Variants in KIAA1328 observed in about 807,000 individuals in gnomAD.
The protein encoded by KIAA1328 is KIAA1328.
KIAA1328 carries 52 observed loss-of-function variants against 68.1 expected under a neutral mutation model. That is an observed-to-expected ratio of 0.76 (90% CI 0.61 to 0.96). KIAA1328 has a LOEUF of 0.96. Among genes scored for constraint, KIAA1328 ranks in the 40% least tolerant of loss-of-function variants. The pLI is 0.00. For missense variants in KIAA1328, 641 were observed against 677.6 expected, an observed-to-expected ratio of 0.95 and a Z score of 0.60; for synonymous variants, 232 against 239.4, an observed-to-expected ratio of 0.97 and a Z score of 0.28.
chr18:37,216,899 C>CTTTTTTTTTTTT (rs762745405), intron 9 of KIAA1328, among the ~76,000 whole-genome samples: 56 of 90,302 alleles, frequency 6.2e-4, no homozygotes, highest in Non-Finnish European at 8.6e-4. Flanking sequence ...TTCTTTGTCT[C>CTTTTTTTTTTTT]TTTTTTTTTT....
chr18:36,881,362 C>T (rs899470615), intron 4 of KIAA1328, among the ~76,000 whole-genome samples: 4 of 151,654 alleles, frequency 2.6e-5, no homozygotes, highest in African/African-American at 9.7e-5. Flanking sequence ...TCGAATCTAC[C>T]CTATTCATTG....
chr18:36,990,721 C>T (rs2053142966), intron 6 of KIAA1328, among the ~76,000 whole-genome samples: 1 of 151,790 alleles, frequency 6.6e-6, no homozygotes, highest in East Asian at 1.9e-4. Context: ...TCTTCTATTA[C>T]AGAGAATACA....
At chr18:36,877,163 G>T (rs1420781928) in intron 4 of KIAA1328, among the ~76,000 whole-genome samples, 3 of 152,146 alleles carry the variant, frequency 2.0e-5, no homozygotes, top group Non-Finnish European at 4.4e-5. Flanking sequence ...TTGATTTGGG[G>T]TGGAGAGTTC....
At chr18:37,136,633 G>C in intron 7 of KIAA1328, among the ~76,000 whole-genome samples, 1 of 152,176 alleles carries the variant, frequency 6.6e-6, no homozygotes, top group East Asian at 1.9e-4. Context: ...CATTGCCAGG[G>C]ATTCAGAGTA....
At chr18:37,028,325 G>T (rs1464525534) in intron 6 of KIAA1328, among the ~76,000 whole-genome samples, 2 of 151,890 alleles carry the variant, frequency 1.3e-5, no homozygotes, top group African/African-American at 4.8e-5. Flanking sequence ...TCTTGATTTG[G>T]CCCTCAGCTT....
At position 37,160,211 on chromosome 18, in the gene KIAA1328, CA is replaced by C. The variant is rs2059248127; in HGVS notation, c.1247del (p.Asn416ThrfsTer38). On this transcript the variant is annotated frameshift_variant, in exon 8 of 10. Coordinates refer to ENST00000280020, the MANE Select transcript of KIAA1328 (RefSeq NM_020776.3). LOFTEE classifies it high-confidence loss of function. ...CGTTGTTCTTTCAGTTTATTGAAGT[CA>C]AACTGTGATGGCTGGCTGCTTGGAA... ...SRLDYNCLLKSNCDGWLLGTS... is the reference protein window; with the variant it reads ...SRLDYNCLLKXNCDGWLLGTS... The C allele has an allele frequency of 6.2e-7, 1 of 1,611,546 alleles. No individual in the cohort carries two copies. The highest frequency in any genetic ancestry group is 8.5e-7 in the Non-Finnish European group (1 of 1,178,816).
chr18:36,953,421 GAGAT>G lies in KIAA1328; in HGVS notation c.449-5877_449-5874del, dbSNP rs1391885153. Among the ~76,000 whole-genome samples, 49 of 140,400 alleles carry G rather than the reference GAGAT, an allele frequency of 3.5e-4. 1 individual carries two copies. In the East Asian group the frequency reaches 6.7e-3, roughly 19 times the overall value. 92.1% of individuals were successfully genotyped at this position (140,400 alleles called of 152,430 possible). On this transcript the variant is annotated intron_variant, in intron 5 of 9. Transcript: ENST00000280020. ...AGATAGATAGATAGATAGATAGATA[GAGAT>G]AGATAGATATATAAATGTATATAGA...
At chr18:36,884,793 C>T (rs1018466082) in intron 4 of KIAA1328, among the ~76,000 whole-genome samples, 1 of 152,114 alleles carries the variant, frequency 6.6e-6, no homozygotes, top group African/African-American at 2.4e-5. Flanking sequence ...ATAGGATTGT[C>T]CCAATATATA....
At chr18:36,943,697 G>T (rs1266539506) in intron 5 of KIAA1328, among the ~76,000 whole-genome samples, 1 of 152,184 alleles carries the variant, frequency 6.6e-6, no homozygotes, top group African/African-American at 2.4e-5. Context: ...ATTGATGCCA[G>T]TTGGAGAAAA....
chr18:37,143,528 T>C (rs1009929635), intron 7 of KIAA1328, among the ~76,000 whole-genome samples: 1 of 146,558 alleles, frequency 6.8e-6, no homozygotes, highest in Admixed American at 6.8e-5. Context: ...TTTCTTTTTT[T>C]TTTTTTTTTT....
chr18:36,958,355 T>C (rs2051509299), intron 5 of KIAA1328, among the ~76,000 whole-genome samples: 2 of 152,184 alleles, frequency 1.3e-5, no homozygotes, highest in African/African-American at 2.4e-5. Flanking sequence ...TTCTCTTGAG[T>C]ATATACCTAG....
At chr18:37,130,352 G>T (rs1299833518) in intron 7 of KIAA1328, among the ~76,000 whole-genome samples, 2 of 152,164 alleles carry the variant, frequency 1.3e-5, no homozygotes, top group Non-Finnish European at 2.9e-5. Flanking sequence ...GGGCACGGTG[G>T]CTCACGCCTG....
In KIAA1328 at chr18:37,080,499, G is replaced by A. The variant is rs762772047; in HGVS notation, c.1232+12954G>A. Among the ~76,000 whole-genome samples the A allele has an allele frequency of 5.9e-5, 9 of 152,236 alleles. No individual in the cohort carries two copies. The East Asian group carries it at 7.7e-4, about 13-fold the overall frequency. ...CCTTTAGAACTAGTCATGCTGGGCC[G>A]GGCGCGGTGGCTCACGCCTATAATC... On this transcript the variant is annotated intron_variant, in intron 7 of 9. Coordinates refer to ENST00000280020, the MANE Select transcript of KIAA1328 (RefSeq NM_020776.3).
chr18:36,873,150 G>T (rs1423260763), intron 4 of KIAA1328, among the ~76,000 whole-genome samples: 1 of 152,002 alleles, frequency 6.6e-6, no homozygotes, highest in Non-Finnish European at 1.5e-5. Context: ...GGCTCATTTT[G>T]GTTTAATAAT....
chr18:37,066,997 G>A lies in KIAA1328; in HGVS notation c.684G>A (p.Lys228=), dbSNP rs1190618532. ...ACTATCAAACCAAGCAAAGACCTAA[G>A]TCTGCAGTCCAGGATTCAGCTTCAG... ...QTYYQTKQRP[K]SAVQDSASES... is the part of the protein sequence containing the mutation. The change falls in exon 7 of 10, where the codon AAG becomes AAA. Residue 228 remains lysine (K), a synonymous_variant. Transcript: ENST00000280020. 5 of 1,613,654 alleles carry A rather than the reference G, an allele frequency of 3.1e-6. No homozygotes were observed. In the East Asian group the frequency reaches 8.9e-5, roughly 29 times the overall value.
chr18:37,195,942 T>G (rs547527410), intron 9 of KIAA1328, among the ~76,000 whole-genome samples: 108 of 152,320 alleles, frequency 7.1e-4, no homozygotes, highest in African/African-American at 2.6e-3. Context: ...GCATGGGATA[T>G]CTTTCCATTT....
At chr18:37,070,082 A>G (rs373232410) in intron 7 of KIAA1328, among the ~76,000 whole-genome samples, 1 of 152,166 alleles carries the variant, frequency 6.6e-6, no homozygotes, top group African/African-American at 2.4e-5. Flanking sequence ...TATTTGACCC[A>G]TGGGTTATTT....
At chr18:37,090,214 T>TA (rs2057229155) in intron 7 of KIAA1328, among the ~76,000 whole-genome samples, 1 of 152,222 alleles carries the variant, frequency 6.6e-6, no homozygotes, top group Admixed American at 6.5e-5. Flanking sequence ...CCCAAATTCT[T>TA]AATGCCTCAC....
Position 37,193,633 on chromosome 18 carries a change from C to T in KIAA1328, c.1523+20552C>T, listed in dbSNP as rs1182220168. 4.3e-6 allele frequency: 3 copies of T among 702,484 alleles called. No homozygotes were observed. The African/African-American group carries it at 5.2e-5, about 12-fold the overall frequency. The allele number at this position is 702,484 out of a possible 1,614,324, so 43.5% of individuals were successfully genotyped here. A position where few individuals can be genotyped will look rare whatever the true frequency, so the allele number is the denominator to read the frequency against. ...AGATCTGCTTCCTTTCAAATCATTT[C>T]TTCATATTGTTCTCCTAGACAAAAT... On this transcript the variant is annotated intron_variant, in intron 9 of 9. Transcript: ENST00000280020.
Sources: allele counts gnomAD v4.1 joint callset (sites outside exome capture counted in the v4.1 genomes callset), GRCh38; gene constraint gnomAD v4.1.1; transcripts MANE v1.5; gene names NCBI Gene and HGNC (gene_info 2026-07-23, HGNC 2026-07-21).